The following DGKI variants were observed in gnomAD, a reference collection of about 807,000 sequenced individuals.
The protein encoded by DGKI is diacylglycerol kinase iota.
Under a neutral mutation model 147.5 loss-of-function variants are expected in DGKI, and 55 were observed. That is an observed-to-expected ratio of 0.37 (90% confidence interval 0.30 to 0.47). The LOEUF (loss-of-function observed/expected upper bound fraction) is 0.47. DGKI is among the 20% of genes least tolerant of loss of function. The probability of loss-of-function intolerance (pLI) is 1.00; values close to 1 mark genes in which losing one functional copy is unlikely to be tolerated. For synonymous variants in DGKI, 469 were observed against 477.1 expected (o/e 0.98, Z 0.22); for missense variants, 1,007 against 1,323.8 (o/e 0.76, Z 3.71).
intron 10 of DGKI, 31 bp downstream of exon 10, chr7:137,608,935 T>C: frequency 3.9e-6 from 6 of 1,534,300 alleles, no homozygotes; most frequent in Non-Finnish European, 5.4e-6. Context: ...TATCAAAACT[T>C]CTAAGTTGAA....
At chr7:137,572,868 T>C in intron 17 of DGKI, 30 bp from the exon 18 acceptor site, 1 of 1,538,806 alleles carries the variant, frequency 6.5e-7, no homozygotes, top group Non-Finnish European at 8.9e-7. Flanking sequence ...AAAGGGGTTT[T>C]GAAGTAGTCA....
At chr7:137,595,782 T>G (rs1462000773) in intron 12 of DGKI, among the ~76,000 whole-genome samples, 1 of 151,730 alleles carries the variant, frequency 6.6e-6, no homozygotes, top group South Asian at 2.1e-4. Flanking sequence ...GGCAGGTGGA[T>G]CACGAGGTCA....
intron 19 of DGKI, among the ~76,000 whole-genome samples, chr7:137,561,941 A>G (rs1179124267): frequency 6.6e-6 from 1 of 152,222 alleles, no homozygotes; most frequent in African/African-American, 2.4e-5. Context: ...AATTCAAAGA[A>G]TGAGGATAAA....
At chr7:137,758,702 A>C (rs1795762256) in intron 1 of DGKI, among the ~76,000 whole-genome samples, 1 of 151,740 alleles carries the variant, frequency 6.6e-6, no homozygotes. Context: ...AATAATAAAT[A>C]AATAAAATTA....
intron 28 of DGKI, among the ~76,000 whole-genome samples, chr7:137,418,106 G>A (rs754630903): frequency 5.9e-5 from 9 of 152,172 alleles, no homozygotes; most frequent in Non-Finnish European, 1.0e-4. Flanking sequence ...ATTTTGGCAA[G>A]AAGTACAAAA....
chr7:137,527,896 G>A (rs572747843), intron 20 of DGKI, among the ~76,000 whole-genome samples: 69 of 152,192 alleles, frequency 4.5e-4, no homozygotes, highest in African/African-American at 1.2e-3. Flanking sequence ...GAACTGGCTC[G>A]TTTTATAAAT....
At chr7:137,710,465 C>T (rs1794177940) in intron 1 of DGKI, among the ~76,000 whole-genome samples, 1 of 151,818 alleles carries the variant, frequency 6.6e-6, no homozygotes, top group Admixed American at 6.6e-5. Context: ...CAGAAACAGA[C>T]CAAAAAATAC....
intron 28 of DGKI, among the ~76,000 whole-genome samples, chr7:137,427,284 C>G (rs867974578): frequency 2.0e-5 from 3 of 152,162 alleles, no homozygotes; most frequent in Admixed American, 6.5e-5. Context: ...ACTGAACAAC[C>G]TGCTCCTGAA....
rs966318812 is a variant in DGKI, at chr7:137,473,877, T to C, written c.2374-4258A>G. ...TTAATAATTGAAGTTAAACAATACA[T>C]CATTACTTAAAGGCACAGGAATCTG... is the stretch of plus-strand genomic sequence containing the variant. On this transcript the variant is annotated intron_variant, in intron 23 of 32. Coordinates refer to ENST00000614521, the MANE Select transcript of DGKI (RefSeq NM_001321708.2). Among the ~76,000 whole-genome samples, 53 of 152,200 alleles carry C rather than the reference T, an allele frequency of 3.5e-4. 1 individual carries two copies. The highest frequency in any genetic ancestry group is 2.9e-5 in the Non-Finnish European group (2 of 68,016).
intron 1 of DGKI, among the ~76,000 whole-genome samples, chr7:137,845,070 A>G (rs980950298): frequency 6.6e-6 from 1 of 152,238 alleles, no homozygotes; most frequent in Non-Finnish European, 1.5e-5. Flanking sequence ...AAAAAGAAAG[A>G]TCCATTTGGA....
At chr7:137,662,540 GC>G (rs56054778) in intron 3 of DGKI, among the ~76,000 whole-genome samples, 152,220 of 152,220 alleles carry the variant, frequency 1, 76,110 homozygotes, top group Non-Finnish European at 1. Context: ...ACCGCGCCCG[GC>G]CCCAGCACAC....
chr7:137,553,578 T>G (rs941582512), intron 19 of DGKI, among the ~76,000 whole-genome samples: 21 of 152,216 alleles, frequency 1.4e-4, no homozygotes, highest in Non-Finnish European at 2.9e-4. Context: ...TTAGTATTAT[T>G]TATCCTTCTA....
intron 1 of DGKI, among the ~76,000 whole-genome samples, chr7:137,691,761 G>GTAT (rs1489306779): frequency 2.1e-5 from 3 of 144,230 alleles, no homozygotes; most frequent in African/African-American, 7.7e-5. Context: ...CAATTACCAA[G>GTAT]TATGTCAGAG....
At chr7:137,513,851 T>C (rs1013557960) in intron 21 of DGKI, 6 of 696,144 alleles carry the variant, frequency 8.6e-6, no homozygotes, top group East Asian at 5.7e-5. Flanking sequence ...TTTGGAAACC[T>C]CTGCGCCATG....
chr7:137,659,464 T>C (rs183930208), intron 3 of DGKI, among the ~76,000 whole-genome samples: 89 of 152,300 alleles, frequency 5.8e-4, no homozygotes, highest in African/African-American at 2.1e-3. Flanking sequence ...AATTTTGTGC[T>C]TAGTTAGGTT....
intron 6 of DGKI, among the ~76,000 whole-genome samples, chr7:137,632,500 T>C (rs1821155786): frequency 6.6e-6 from 1 of 152,170 alleles, no homozygotes; most frequent in South Asian, 2.1e-4. Flanking sequence ...AATGGACAAC[T>C]GTACAAGTTG....
At chr7:137,741,056 A>G (rs540269720) in intron 1 of DGKI, among the ~76,000 whole-genome samples, 1 of 152,290 alleles carries the variant, frequency 6.6e-6, no homozygotes, top group South Asian at 2.1e-4. Context: ...AAATTTAAAT[A>G]GGCTAAGGAG....
chr7:137,549,126 G>T (rs115257606), intron 20 of DGKI, among the ~76,000 whole-genome samples: 69 of 152,328 alleles, frequency 4.5e-4, no homozygotes, highest in African/African-American at 1.6e-3. Context: ...CATGTGTACA[G>T]CTGTGAAGGG....
At chr7:137,759,956 C>T (rs3800659) in intron 1 of DGKI, among the ~76,000 whole-genome samples, 74,278 of 151,950 alleles carry the variant, frequency 0.49, 20,654 homozygotes, top group African/African-American at 0.78. Context: ...CTAGTTGTGG[C>T]GCCTTTGCTA....
Sources: allele counts gnomAD v4.1 joint callset (sites outside exome capture counted in the v4.1 genomes callset), GRCh38; gene constraint gnomAD v4.1.1; transcripts MANE v1.5; gene names NCBI Gene and HGNC (gene_info 2026-07-23, HGNC 2026-07-21).